The following NAGPA variants were observed in gnomAD, a reference collection of about 807,000 sequenced individuals.
NAGPA encodes the protein N-acetylglucosamine-1-phosphodiester alpha-N-acetylglucosaminidase.
NAGPA carries 56 observed loss-of-function variants against 48.5 expected under a neutral mutation model. That is an observed-to-expected ratio of 1.15 (90% CI 0.93 to 1.44). The LOEUF is 1.44. Ranked by LOEUF, NAGPA falls within the 40% of genes most tolerant of loss-of-function variation. NAGPA has a pLI of 0.00. For missense variants in NAGPA, 888 were observed against 735.0 expected, an observed-to-expected ratio of 1.21 and a Z score of -2.41; for synonymous variants, 399 against 315.5, an observed-to-expected ratio of 1.26 and a Z score of -2.81.
At chr16:5,026,367 G>A (rs910588281) in intron 9 of NAGPA, among the ~76,000 whole-genome samples, 11 of 151,882 alleles carry the variant, frequency 7.2e-5, no homozygotes, top group African/African-American at 2.4e-4. Flanking sequence ...CCAACATGGC[G>A]AAATCCTGTC....
At chr16:5,026,939 A>G (rs1956011330) in intron 9 of NAGPA, among the ~76,000 whole-genome samples, 196 bp downstream of exon 9, 1 of 152,146 alleles carries the variant, frequency 6.6e-6, no homozygotes, top group Admixed American at 6.5e-5. Flanking sequence ...GATGCTGACA[A>G]CAGAGGCTGG....
At chr16:5,030,658 G>A in intron 3 of NAGPA, 165 bp from the exon 4 acceptor site, 1 of 685,542 alleles carries the variant, frequency 1.5e-6, no homozygotes, top group African/African-American at 1.8e-5. Context: ...GTCTCCCCAG[G>A]GCAGCCGGGG....
rs555996529 is a variant in NAGPA at position 5,032,249 on chromosome 16, C to T, written c.543-365G>A. 1.0e-3 allele frequency among the ~76,000 whole-genome samples: 157 copies of T among 152,332 alleles called. 1 individual carries two copies. The highest frequency in any genetic ancestry group is 1.6e-3 in the Non-Finnish European group (110 of 68,028). On this transcript the variant is annotated intron_variant, in intron 2 of 9. Transcript: ENST00000312251. ...CGGCCCTTCATTGGCTTCCTTGTTT[C>T]TCCACTGCTCTCTCCCACCTGGTCC... is the stretch of plus-strand genomic sequence containing the variant.
At position 5,033,540 on chromosome 16, in the gene NAGPA, C is replaced by T; in HGVS notation, c.275G>A (p.Gly92Asp). Residue 92 changes from glycine (G) to aspartate (D), a missense_variant, in exon 2 of 10, where the codon GGC becomes GAC. Gly to Asp is a moderately conservative substitution (Grantham distance 94). Coordinates refer to ENST00000312251, the MANE Select transcript of NAGPA (RefSeq NM_016256.4). The surrounding 1 kb of genome is among the most constrained non-coding windows in gnomAD (Gnocchi z 4.2). Reference sequence around the variant, plus strand: ...GGGCTCAACGGCCCGCGTCAGGTGGCCGGCCACCGCGCGGTCCCTGAAGTG... The same window carrying T: ...GGGCTCAACGGCCCGCGTCAGGTGGTCGGCCACCGCGCGGTCCCTGAAGTG... Reference protein sequence around the residue: ...VSHFRDRAVAGHLTRAVEPLR... With the variant: ...VSHFRDRAVADHLTRAVEPLR... The T allele has an allele frequency of 6.6e-7, 1 of 1,506,034 alleles. No homozygotes were observed. The highest frequency in any genetic ancestry group is 2.2e-5 in the Admixed American group (1 of 45,114). The allele number at this position is 1,506,034 out of a possible 1,614,324, so 93.3% of individuals were successfully genotyped here.
intron 4 of NAGPA, chr16:5,029,984 T>C (rs888750081): frequency 6.4e-6 from 2 of 311,230 alleles, no homozygotes; most frequent in African/African-American, 2.1e-5. Flanking sequence ...GTGCTGGTTA[T>C]GCAACCAGAG....
Position 5,033,617 on chromosome 16 carries a change from C to G in NAGPA, c.198G>C (p.Pro66=), listed in dbSNP as rs1473891380. Residue 66 remains proline (P), a synonymous_variant, in exon 2 of 10, where the codon CCG becomes CCC. Transcript: ENST00000312251. This position sits in a 1 kb window ranked among gnomAD's most constrained non-coding sequence, Gnocchi z 4.2. ...AGNREHESWP[P]PPATPGAGGL... Reference sequence around the variant, plus strand: ...CGCCGGCGCCGGGAGTCGCGGGAGGCGGAGGCCAACTCTCGTGCTCGCGGT... The same window carrying G: ...CGCCGGCGCCGGGAGTCGCGGGAGGGGGAGGCCAACTCTCGTGCTCGCGGT... 1 of 1,513,160 alleles carries G rather than the reference C, an allele frequency of 6.6e-7. No individual in the cohort carries two copies. The highest frequency in any genetic ancestry group is 1.4e-5 in the African/African-American group (1 of 69,758). The allele number at this position is 1,513,160 out of a possible 1,614,324, so 93.7% of individuals were successfully genotyped here.
intron 4 of NAGPA, chr16:5,029,290 G>T (rs1956061203): frequency 2.2e-6 from 1 of 464,336 alleles, no homozygotes; most frequent in South Asian, 2.1e-5. Context: ...AACACAGAGA[G>T]CCTTCTCTGG....
At chr16:5,032,084 T>C (rs1224208487) in intron 2 of NAGPA, among the ~76,000 whole-genome samples, 200 bp from the exon 3 acceptor site, 1 of 152,184 alleles carries the variant, frequency 6.6e-6, no homozygotes, top group Non-Finnish European at 1.5e-5. Context: ...GACAGGGTTC[T>C]GACAATACAA....
At position 5,031,854 on chromosome 16, in the gene NAGPA, A is replaced by G. The variant is rs756712626; in HGVS notation, c.573T>C (p.Thr191=). Residue 191 remains threonine, a synonymous_variant, in exon 3 of 10, where the codon ACT becomes ACC. Transcript: ENST00000312251. ...TCAGCAGCTGCACAAATGGGTTCTC[A>G]GTGTCCAGCACCTCCTCCTCAGACA... ...GYLSEEEVLD[T]ENPFVQLLSG... is the part of the protein sequence containing the mutation. 3 of 1,614,132 alleles carry G rather than the reference A, an allele frequency of 1.9e-6. No homozygotes were observed. The highest frequency in any genetic ancestry group is 1.7e-6 in the Non-Finnish European group (2 of 1,180,014).
chr16:5,033,333 C>G lies in NAGPA; in HGVS notation c.482G>C (p.Ser161Thr). The change falls in exon 2 of 10, where the codon AGC becomes ACC. Residue 161 changes from serine to threonine, a missense_variant. Physicochemically the swap from Ser to Thr is moderately conservative, Grantham distance 58. Transcript: ENST00000312251. This position sits in a 1 kb window ranked among gnomAD's most constrained non-coding sequence, Gnocchi z 4.2. ...NVVSDERRVS[S>T]SGGLQNAQFG... ...CTGCGCGTTCTGCAGCCCCCCGGAGCTGCTCACCCGCCGCTCGTCGCTCAC... is the reference window on the plus strand; with the variant it reads ...CTGCGCGTTCTGCAGCCCCCCGGAGGTGCTCACCCGCCGCTCGTCGCTCAC... 5.6e-6 allele frequency: 9 copies of G among 1,597,668 alleles called. No individual in the cohort carries two copies. The highest frequency in any genetic ancestry group is 7.6e-6 in the Non-Finnish European group (9 of 1,179,482).
intron 9 of NAGPA, 141 bp downstream of exon 9, chr16:5,026,994 C>T (rs1956012571): frequency 2.9e-6 from 3 of 1,046,604 alleles, no homozygotes; most frequent in East Asian, 2.6e-5. Context: ...CCAAAGCAGA[C>T]AGTGGGGAGA....
In NAGPA at chr16:5,028,179, G is replaced by A; in HGVS notation, c.927C>T (p.Asp309=). The A allele has an allele frequency of 6.4e-6, 10 of 1,560,038 alleles. No individual in the cohort carries two copies. In the South Asian group the frequency reaches 1.2e-4, roughly 18 times the overall value. ...LASYPSDHCQ[D]NMWRCPRQVS... ...CTTGGCGGGGACAGCGCCACATGTT[G>A]TCCTGGCTGTAGAGGGATGTGATGT... is the stretch of plus-strand genomic sequence containing the variant. The change falls in exon 6 of 10, where the codon GAC becomes GAT. Residue 309 remains aspartate (D), a synonymous_variant. Transcript: ENST00000312251.
intron 9 of NAGPA, among the ~76,000 whole-genome samples, 162 bp downstream of exon 9, chr16:5,026,973 C>T (rs1297953018): frequency 2.0e-5 from 3 of 152,192 alleles, no homozygotes; most frequent in Admixed American, 1.3e-4. Flanking sequence ...CTGGGCTCTG[C>T]TCCAGGGTCC....
rs1233454863 is a variant in NAGPA at position 5,027,300 on chromosome 16, A to G, written c.1254T>C (p.Thr418=). Residue 418 remains threonine, a synonymous_variant, in exon 8 of 10, where the codon ACT becomes ACC. Coordinates refer to ENST00000312251, the MANE Select transcript of NAGPA (RefSeq NM_016256.4). ...CEHHCPCDPK[T]GNCSVSRVKQ... ...TACCTCTGGAGACGCTGCAGTTGCCAGTCTTGGGGTCACAGGGACAATGGT... is the reference window on the plus strand; with the variant it reads ...TACCTCTGGAGACGCTGCAGTTGCCGGTCTTGGGGTCACAGGGACAATGGT... The G allele has an allele frequency of 6.2e-7, 1 of 1,614,090 alleles. No individual in the cohort carries two copies. Among genetic ancestry groups the G allele is most frequent in the Non-Finnish European group, 8.5e-7 (1 of 1,180,034 alleles).
At chr16:5,026,546 T>C (rs966468662) in intron 9 of NAGPA, among the ~76,000 whole-genome samples, 1 of 151,874 alleles carries the variant, frequency 6.6e-6, no homozygotes, top group African/African-American at 2.4e-5. Flanking sequence ...AAAAAAAAGT[T>C]TAAAAAAATG....
At position 5,025,180 on chromosome 16, in the gene NAGPA, G is replaced by C; in HGVS notation, c.*298C>G. On this transcript the variant is annotated 3_prime_UTR_variant, in exon 10 of 10. Transcript: ENST00000312251. ...GCAGCCCCTTCCCCAGGAGGAGGGA[G>C]ACTCTTTGGCAGTGCGGCAGCCCTC... 2.2e-6 allele frequency: 1 copy of C among 461,218 alleles called. No homozygotes were observed. Among genetic ancestry groups the C allele is most frequent in the Non-Finnish European group, 4.0e-6 (1 of 250,258 alleles). 28.6% of individuals were successfully genotyped at this position (461,218 alleles called of 1,614,324 possible).
intron 2 of NAGPA, among the ~76,000 whole-genome samples, chr16:5,032,110 GCAAA>G (rs1567141926): frequency 6.6e-6 from 1 of 152,028 alleles, no homozygotes; most frequent in Non-Finnish European, 1.5e-5. Flanking sequence ...ACAAGCCTTT[GCAAA>G]CAGTCTGTTT....
intron 8 of NAGPA, 36 bp downstream of exon 8, chr16:5,027,242 G>A (rs755765315): frequency 2.9e-5 from 46 of 1,613,914 alleles, no homozygotes; most frequent in Non-Finnish European, 3.5e-5. Flanking sequence ...GAGCAGGAGC[G>A]TCTGCCCATA....
chr16:5,029,496 A>C (rs535812650), intron 4 of NAGPA: 3 of 229,054 alleles, frequency 1.3e-5, no homozygotes, highest in South Asian at 6.2e-5. Flanking sequence ...CAACCTAAAC[A>C]AGAGGATTCT....
Sources: gnomAD v4.1 joint callset for allele counts (sites outside exome capture counted in the v4.1 genomes callset) on GRCh38, gnomAD v4.1.1 for gene constraint, Gnocchi (gnomAD v3.1) non-coding constraint, MANE v1.5 for transcripts, NCBI Gene and HGNC (gene_info 2026-07-23, HGNC 2026-07-21) for gene names.